PF4V1: variants seen among roughly 807,000 people sequenced by gnomAD.
PF4V1 encodes platelet factor 4 variant.
PF4V1 carries 4 observed loss-of-function variants against 6.9 expected under a neutral mutation model. The ratio of observed to expected loss-of-function variants is 0.58; its 90% CI spans 0.29 to 1.34. The LOEUF (loss-of-function observed/expected upper bound fraction) is 1.34. PF4V1 is among the 40% of genes most tolerant of loss of function. The pLI, the probability that PF4V1 is intolerant of heterozygous loss-of-function variation, is 0.09. For missense variants in PF4V1, 127 were observed against 128.6 expected (o/e 0.99, Z 0.06); for synonymous variants, 68 against 55.9 (o/e 1.22, Z -0.97).
intron 1 of PF4V1, 42 bp downstream of exon 1, chr4:73,853,504 G>C (rs1280805580): frequency 1.3e-6 from 2 of 1,557,538 alleles, no homozygotes; most frequent in Non-Finnish European, 1.7e-6. Context: ...CAGCGGCGAG[G>C]GGGAGTCCGG....
In PF4V1 at chr4:73,854,201, T is replaced by A. The variant is rs1731493166; in HGVS notation, c.*79T>A. 7.0e-6 allele frequency: 7 copies of A among 993,808 alleles called. 1 individual carries two copies. Among genetic ancestry groups the A allele is most frequent in the Non-Finnish European group, 1.1e-5 (7 of 665,468 alleles). 61.6% of individuals were successfully genotyped at this position (993,808 alleles called of 1,614,324 possible). A position where few individuals can be genotyped will look rare whatever the true frequency, so the allele number is the denominator to read the frequency against. On this transcript the variant is annotated 3_prime_UTR_variant, in exon 3 of 3. Transcript: ENST00000226524. The stretch of plus-strand genomic sequence containing the variant: ...TGTTTGTATTATCCTTCTTATATTA[T>A]ATTAACGAAATAAATCAAGTTGTGG...
chr4:73,853,325 C>T lies in PF4V1; in HGVS notation c.-38C>T. The T allele has an allele frequency of 6.4e-7, 1 of 1,558,172 alleles. No individual in the cohort carries two copies. The highest frequency in any genetic ancestry group is 8.9e-7 in the Non-Finnish European group (1 of 1,129,418). Reference sequence around the variant, plus strand: ...CCTGCAGAACCCCAGCCCGACTTTCCCTGCGCACTGGGATCCTGCTGGAAC... The same window carrying T: ...CCTGCAGAACCCCAGCCCGACTTTCTCTGCGCACTGGGATCCTGCTGGAAC... On this transcript the variant is annotated 5_prime_UTR_variant, in exon 1 of 3. Coordinates refer to ENST00000226524, the MANE Select transcript of PF4V1 (RefSeq NM_002620.4).
At position 73,853,763 on chromosome 4, in the gene PF4V1, T is replaced by C. The variant is rs773148241; in HGVS notation, c.101-20T>C. The C allele has an allele frequency of 1.3e-5, 20 of 1,598,150 alleles. No individual in the cohort carries two copies. The highest frequency in any genetic ancestry group is 5.6e-5 in the South Asian group (5 of 89,302). On this transcript the variant is annotated intron_variant, in intron 1 of 2. Transcript: ENST00000226524. ...ACTCCCACCCCTCCTCCTCTCTTAC[T>C]CCCTCCCTTTCCCCCTCAGCTGAAG...
At chr4:73,853,647 C>A in intron 1 of PF4V1, 136 bp from the exon 2 acceptor site, 1 of 1,344,982 alleles carries the variant, frequency 7.4e-7, no homozygotes, top group Non-Finnish European at 1.0e-6. Flanking sequence ...CAACCTCTGT[C>A]TGAGAGAGGT....
At position 73,853,919 on chromosome 4, in the gene PF4V1, C is replaced by A. The variant is rs2233650; in HGVS notation, c.227+10C>A. ...CCACTGCCCAACTCATGTGAGTCCT[C>A]GCACTGCATCAGTTAGTGCTCCCGC... On this transcript the variant is annotated intron_variant, in intron 2 of 2. Coordinates refer to ENST00000226524, the MANE Select transcript of PF4V1 (RefSeq NM_002620.4). The A allele has an allele frequency of 3.2e-6, 5 of 1,560,022 alleles. No individual in the cohort carries two copies. The Admixed American group carries it at 5.1e-5, about 16-fold the overall frequency.
rs1364356445 is a variant in PF4V1 at position 73,853,769 on chromosome 4, C to T, written c.101-14C>T. ...ACCCCTCCTCCTCTCTTACTCCCTC[C>T]CTTTCCCCCTCAGCTGAAGCTGAAG... On this transcript the variant is annotated splice_polypyrimidine_tract_variant and intron_variant, in intron 1 of 2. Coordinates refer to ENST00000226524, the MANE Select transcript of PF4V1 (RefSeq NM_002620.4). The T allele has an allele frequency of 6.2e-7, 1 of 1,603,422 alleles. No homozygotes were observed. The highest frequency in any genetic ancestry group is 1.3e-5 in the African/African-American group (1 of 74,604).
chr4:73,853,765 C>T lies in PF4V1; in HGVS notation c.101-18C>T, dbSNP rs953990284. 1.0e-5 allele frequency: 16 copies of T among 1,600,356 alleles called. No homozygotes were observed. The highest frequency in any genetic ancestry group is 4.5e-5 in the South Asian group (4 of 89,476). ...TCCCACCCCTCCTCCTCTCTTACTCCCTCCCTTTCCCCCTCAGCTGAAGCT... is the reference window on the plus strand; with the variant it reads ...TCCCACCCCTCCTCCTCTCTTACTCTCTCCCTTTCCCCCTCAGCTGAAGCT... On this transcript the variant is annotated intron_variant, in intron 1 of 2. Transcript: ENST00000226524.
rs28439192 is a variant in PF4V1, at chr4:73,853,751, C to G, written c.101-32C>G. 2,629 of 1,584,778 alleles carry G rather than the reference C, an allele frequency of 1.7e-3. 9 individuals are homozygous for G. Among genetic ancestry groups the G allele is most frequent in the Non-Finnish European group, 1.2e-3 (1,372 of 1,164,682 alleles). The stretch of plus-strand genomic sequence containing the variant: ...CAGGGAGTCACAACTCCCACCCCTC[C>G]TCCTCTCTTACTCCCTCCCTTTCCC... On this transcript the variant is annotated intron_variant, in intron 1 of 2. Coordinates refer to ENST00000226524, the MANE Select transcript of PF4V1 (RefSeq NM_002620.4).
chr4:73,853,901 C>A lies in PF4V1; in HGVS notation c.219C>A (p.Ala73=), dbSNP rs373463793. ...VIKAGPHCPT[A]QLIATLKNGR... ...AGGCCGGACCCCACTGCCCCACTGC[C>A]CAACTCATGTGAGTCCTCGCACTGC... Residue 73 remains alanine, a synonymous_variant, in exon 2 of 3, where the codon GCC becomes GCA. Transcript: ENST00000226524. 1 of 1,608,018 alleles carries A rather than the reference C, an allele frequency of 6.2e-7. No individual in the cohort carries two copies. The highest frequency in any genetic ancestry group is 8.5e-7 in the Non-Finnish European group (1 of 1,176,872).
intron 1 of PF4V1, 132 bp downstream of exon 1, chr4:73,853,594 A>G (rs1318323797): frequency 1.0e-5 from 13 of 1,292,304 alleles, no homozygotes; most frequent in Non-Finnish European, 1.3e-5. Flanking sequence ...GTCTGCGGGT[A>G]CAGTGCCAGG....
rs1731479798 is a variant in PF4V1 at position 73,853,766 on chromosome 4, C to T, written c.101-17C>T. 4 of 1,601,154 alleles carry T rather than the reference C, an allele frequency of 2.5e-6. No individual in the cohort carries two copies. The highest frequency in any genetic ancestry group is 1.7e-5 in the Admixed American group (1 of 57,756). On this transcript the variant is annotated splice_polypyrimidine_tract_variant and intron_variant, in intron 1 of 2. Coordinates refer to ENST00000226524, the MANE Select transcript of PF4V1 (RefSeq NM_002620.4). ...CCCACCCCTCCTCCTCTCTTACTCC[C>T]TCCCTTTCCCCCTCAGCTGAAGCTG...
chr4:73,854,119 T>G lies in PF4V1; in HGVS notation c.312T>G (p.Ser104Arg). The G allele has an allele frequency of 6.2e-7, 1 of 1,610,940 alleles. No homozygotes were observed. ...AAATCATTAAGGAACATTTGGAGAGTTAGCTACTAGCTGCCTAAGTGTGCA... is the reference window on the plus strand; with the variant it reads ...AAATCATTAAGGAACATTTGGAGAGGTAGCTACTAGCTGCCTAAGTGTGCA... ...YKKIIKEHLE[S>R] The change falls in exon 3 of 3, where the codon AGT becomes AGG. Residue 104 changes from serine (S) to arginine (R), a missense_variant. Physicochemically the swap from Ser to Arg is moderately radical, Grantham distance 110. Transcript: ENST00000226524.
chr4:73,853,586 C>CT (rs1731475279), intron 1 of PF4V1, 124 bp downstream of exon 1: 1 of 1,328,428 alleles, frequency 7.5e-7, no homozygotes, highest in African/African-American at 1.5e-5. Flanking sequence ...CGTGCTGAGT[C>CT]TGCGGGTACA....
chr4:73,853,809 C>T lies in PF4V1; in HGVS notation c.127C>T (p.Gln43Ter). The change falls in exon 2 of 3, where the codon CAG becomes TAG. Residue 43 changes from glutamine to a stop codon, truncating the protein, a stop_gained. Transcript: ENST00000226524. LOFTEE classifies it high-confidence loss of function. ...TGAAGCTGAAGAAGATGGGGACCTG[C>T]AGTGCCTGTGTGTGAAGACCACCTC... The part of the protein sequence containing the change: ...RAEAEEDGDL[Q>*]CLCVKTTSQV... The T allele has an allele frequency of 6.2e-7, 1 of 1,612,796 alleles. No individual in the cohort carries two copies. The highest frequency in any genetic ancestry group is 1.3e-5 in the African/African-American group (1 of 74,876).
intron 1 of PF4V1, 63 bp downstream of exon 1, chr4:73,853,525 G>A (rs1318254118): frequency 7.2e-6 from 11 of 1,525,774 alleles, no homozygotes; most frequent in Non-Finnish European, 9.8e-6. Context: ...GAAGCCCTGG[G>A]GCTGGGGAGG....
In PF4V1 at chr4:73,853,905, C is replaced by A; in HGVS notation, c.223C>A (p.Leu75Ile). The change falls in exon 2 of 3, where the codon CTC becomes ATC. Residue 75 changes from leucine to isoleucine, a missense_variant. Transcript: ENST00000226524. Reference sequence around the variant, plus strand: ...CGGACCCCACTGCCCCACTGCCCAACTCATGTGAGTCCTCGCACTGCATCA... The same window carrying A: ...CGGACCCCACTGCCCCACTGCCCAAATCATGTGAGTCCTCGCACTGCATCA... ...KAGPHCPTAQ[L>I]IATLKNGRKI... 1 of 1,606,098 alleles carries A rather than the reference C, an allele frequency of 6.2e-7. No individual in the cohort carries two copies. Among genetic ancestry groups the A allele is most frequent in the Non-Finnish European group, 8.5e-7 (1 of 1,175,502 alleles).
intron 1 of PF4V1, 25 bp downstream of exon 1, chr4:73,853,487 G>C: frequency 6.3e-7 from 1 of 1,584,438 alleles, no homozygotes; most frequent in Non-Finnish European, 8.6e-7. Context: ...CAGGCTGGGA[G>C]GGCCAGCAGC....
Position 73,853,872 on chromosome 4 carries a change from A to T in PF4V1, c.190A>T (p.Ile64Phe). 6.2e-7 allele frequency: 1 copy of T among 1,612,484 alleles called. No homozygotes were observed. Residue 64 changes from isoleucine (I) to phenylalanine (F), a missense_variant, in exon 2 of 3, where the codon ATC (isoleucine) becomes TTC (phenylalanine). Coordinates refer to ENST00000226524, the MANE Select transcript of PF4V1 (RefSeq NM_002620.4). ...CAGGCACATCACCAGCCTGGAGGTGATCAAGGCCGGACCCCACTGCCCCAC... is the reference window on the plus strand; with the variant it reads ...CAGGCACATCACCAGCCTGGAGGTGTTCAAGGCCGGACCCCACTGCCCCAC... The part of the protein sequence containing the change: ...RPRHITSLEV[I>F]KAGPHCPTAQ...
chr4:73,853,458 C>T lies in PF4V1; in HGVS notation c.96C>T (p.Ala32=). ...LLLLPVVVAF[A]RAEAEEDGDL... ...TCCTGCCAGTTGTGGTCGCCTTCGC[C>T]AGAGGTGAGAGCAGAAACCAGGCTG... The change falls in exon 1 of 3, where the codon GCC becomes GCT. Residue 32 remains alanine (A), a synonymous_variant. Transcript: ENST00000226524. 6.2e-7 allele frequency: 1 copy of T among 1,611,944 alleles called. No individual in the cohort carries two copies. The highest frequency in any genetic ancestry group is 1.1e-5 in the South Asian group (1 of 90,572).
Sources: gnomAD v4.1 joint callset for allele counts on GRCh38, gnomAD v4.1.1 for gene constraint, MANE v1.5 for transcripts, NCBI Gene and HGNC (gene_info 2026-07-23, HGNC 2026-07-21) for gene names.